PRKN: variants seen among roughly 807,000 people sequenced by gnomAD.
PRKN encodes E3 ubiquitin-protein ligase parkin.
Under a neutral mutation model 59.5 loss-of-function variants are expected in PRKN, and 56 were observed. The observed-to-expected ratio is 0.94, with a 90% CI of 0.76 to 1.18. The LOEUF is 1.18. Among genes scored for constraint, PRKN ranks in the 50% most tolerant of loss-of-function variants. The probability of loss-of-function intolerance (pLI) is 0.00; values close to 1 mark genes in which losing one functional copy is unlikely to be tolerated. For synonymous variants in PRKN, 250 were observed against 222.1 expected (o/e 1.13, Z -1.12); for missense variants, 657 against 596.4 (o/e 1.10, Z -1.06).
chr6:162,304,541 ATCT>A (rs2128115216), intron 2 of PRKN, among the ~76,000 whole-genome samples: 1 of 112,774 alleles, frequency 8.9e-6, no homozygotes, highest in African/African-American at 4.8e-5. Context: ...CTATCTATCT[ATCT>A]ATTTATCCAT....
At chr6:161,904,456 C>T (rs1332225567) in intron 6 of PRKN, among the ~76,000 whole-genome samples, 1 of 151,778 alleles carries the variant, frequency 6.6e-6, no homozygotes, top group Admixed American at 6.6e-5. Flanking sequence ...GCTGGGACCA[C>T]AGGCGCCTGC....
intron 2 of PRKN, among the ~76,000 whole-genome samples, chr6:162,270,937 A>C (rs1349846641): frequency 1.3e-5 from 2 of 150,598 alleles, no homozygotes; most frequent in African/African-American, 2.5e-5. Context: ...GAACTCCCAG[A>C]CTCAAGTGAT....
At position 161,752,688 on chromosome 6, in the gene PRKN, G is replaced by A. The variant is rs148421731; in HGVS notation, c.871+33084C>T. On this transcript the variant is annotated intron_variant, in intron 7 of 11. Transcript: ENST00000366898. Reference sequence around the variant, plus strand: ...AGCCTGGGTAACACAGCAAGACCCCGTCTCAAACAAACAAACAAAAAACAT... The same window carrying A: ...AGCCTGGGTAACACAGCAAGACCCCATCTCAAACAAACAAACAAAAAACAT... Among the ~76,000 whole-genome samples the A allele has an allele frequency of 2.1e-3, 321 of 152,270 alleles. 1 individual carries two copies. The highest frequency in any genetic ancestry group is 0.012 in the East Asian group (64 of 5,174).
At chr6:162,113,756 T>C (rs6927146) in intron 4 of PRKN, among the ~76,000 whole-genome samples, 52,909 of 152,070 alleles carry the variant, frequency 0.35, 9,493 homozygotes, top group African/African-American at 0.42. Flanking sequence ...TTTGTTGCCA[T>C]TGTTTTTGGT....
chr6:162,675,631 T>C (rs748635890), intron 1 of PRKN, among the ~76,000 whole-genome samples: 4 of 152,092 alleles, frequency 2.6e-5, no homozygotes, highest in Admixed American at 6.6e-5. Flanking sequence ...CACTAAAAGA[T>C]AGAGAGAAAC....
intron 1 of PRKN, among the ~76,000 whole-genome samples, chr6:162,570,717 C>G (rs7742980): frequency 0.31 from 46,688 of 151,942 alleles, 7,626 homozygotes; most frequent in East Asian, 0.49. Flanking sequence ...CAGAGAAAGA[C>G]AAACATCACA....
intron 5 of PRKN, among the ~76,000 whole-genome samples, chr6:162,020,332 C>CAAAAAAAAAAAAAAA (rs771141235): frequency 4.0e-4 from 18 of 45,444 alleles, no homozygotes; most frequent in Non-Finnish European, 5.5e-4. Context: ...ACCAATGAAT[C>CAAAAAAAAAAAAAAA]AAAAAAAAAA....
intron 1 of PRKN, among the ~76,000 whole-genome samples, chr6:162,601,546 TA>T (rs1360180987): frequency 6.6e-6 from 1 of 152,156 alleles, no homozygotes; most frequent in African/African-American, 2.4e-5. Context: ...TCTTTTAGGT[TA>T]GAGAGGGGCC....
intron 7 of PRKN, among the ~76,000 whole-genome samples, chr6:161,658,040 G>GAAAAC: frequency 9.3e-6 from 1 of 107,848 alleles, no homozygotes; most frequent in Non-Finnish European, 2.0e-5. Flanking sequence ...AAAAAGAAAA[G>GAAAAC]AAAAGAAAAA....
chr6:161,418,707 C>A (rs1041915120), intron 9 of PRKN, among the ~76,000 whole-genome samples: 3 of 152,202 alleles, frequency 2.0e-5, no homozygotes, highest in African/African-American at 7.2e-5. Flanking sequence ...TTTTCTTTCA[C>A]AGGTGTCTCC....
chr6:161,947,640 T>C (rs1255619662), intron 6 of PRKN, among the ~76,000 whole-genome samples: 1 of 152,182 alleles, frequency 6.6e-6, no homozygotes, highest in Non-Finnish European at 1.5e-5. Flanking sequence ...CAGAGCTCTG[T>C]AGTTGATTCG....
chr6:161,842,154 G>T (rs1281863270), intron 6 of PRKN, among the ~76,000 whole-genome samples: 4 of 151,932 alleles, frequency 2.6e-5, no homozygotes, highest in Non-Finnish European at 5.9e-5. Flanking sequence ...TCAAATATGA[G>T]AACATAAAGC....
intron 6 of PRKN, among the ~76,000 whole-genome samples, chr6:161,899,572 C>T (rs75324243): frequency 4.4e-4 from 67 of 152,280 alleles, no homozygotes; most frequent in African/African-American, 1.5e-3. Flanking sequence ...CCATTTGCTA[C>T]GGTAGCACAT....
intron 5 of PRKN, among the ~76,000 whole-genome samples, chr6:161,976,692 G>A (rs1338189829): frequency 3.3e-5 from 5 of 152,094 alleles, no homozygotes; most frequent in African/African-American, 4.8e-5. Context: ...TATGAAATAC[G>A]CTGAGCTAGC....
At position 162,488,027 on chromosome 6, in the gene PRKN, C is replaced by CTT. The variant is rs752587530; in HGVS notation, c.8-44556_8-44555dup. On this transcript the variant is annotated intron_variant, in intron 1 of 11. Transcript: ENST00000366898. ...AACAGACACTACATCCACCATTTCC[C>CTT]TTTTTTTTTTTTTTTTTTTTTTTTT... 8.5e-3 allele frequency among the ~76,000 whole-genome samples: 925 copies of CTT among 108,784 alleles called. 13 individuals are homozygous for CTT. The highest frequency in any genetic ancestry group is 0.016 in the African/African-American group (492 of 31,280). 71.4% of individuals were successfully genotyped at this position (108,784 alleles called of 152,430 possible). A position where few individuals can be genotyped will look rare whatever the true frequency, so the allele number is the denominator to read the frequency against.
At chr6:162,013,197 A>G (rs546482285) in intron 5 of PRKN, among the ~76,000 whole-genome samples, 1 of 152,164 alleles carries the variant, frequency 6.6e-6, no homozygotes, top group African/African-American at 2.4e-5. Context: ...GTTATATCAT[A>G]CAGACCCATG....
intron 10 of PRKN, among the ~76,000 whole-genome samples, chr6:161,375,754 G>A (rs1054790013): frequency 2.0e-5 from 3 of 152,152 alleles, no homozygotes; most frequent in Non-Finnish European, 4.4e-5. Flanking sequence ...CCTTGGAAAC[G>A]CACTGCAGAG....
At chr6:161,411,865 A>G (rs1304521159) in intron 9 of PRKN, among the ~76,000 whole-genome samples, 1 of 131,630 alleles carries the variant, frequency 7.6e-6, no homozygotes, top group Non-Finnish European at 1.6e-5. Flanking sequence ...TTCCTCACCC[A>G]TTCCTTCTTC....
chr6:162,623,450 CGTTTT>C (rs1319746154), intron 1 of PRKN, among the ~76,000 whole-genome samples: 2 of 152,090 alleles, frequency 1.3e-5, no homozygotes, highest in East Asian at 3.9e-4. Context: ...AATAATATTT[CGTTTT>C]ATTTCCAAAC....
Sources: gnomAD v4.1 joint callset for allele counts (sites outside exome capture counted in the v4.1 genomes callset) on GRCh38, gnomAD v4.1.1 for gene constraint, MANE v1.5 for transcripts, NCBI Gene and HGNC (gene_info 2026-07-23, HGNC 2026-07-21) for gene names.